Variants in UNC5D observed in about 807,000 individuals in gnomAD.
UNC5D encodes unc-5 netrin receptor D, also known as netrin receptor UNC5D.
In UNC5D, 39 loss-of-function variants were observed where a neutral mutation model predicts 105.4. The ratio of observed to expected loss-of-function variants is 0.37; its 90% CI spans 0.29 to 0.48. The LOEUF is 0.48. Ranked by LOEUF, UNC5D falls within the 20% of genes least tolerant of loss-of-function variation. The probability of loss-of-function intolerance (pLI) is 0.98; values close to 1 mark genes in which losing one functional copy is unlikely to be tolerated. For missense variants in UNC5D, 991 were observed against 1,202.4 expected (o/e 0.82, Z 2.60); for synonymous variants, 452 against 450.4 (o/e 1.00, Z -0.04).
At chr8:35,236,489 C>A (rs76188569) in intron 1 of UNC5D, among the ~76,000 whole-genome samples, 3,108 of 152,348 alleles carry the variant, frequency 0.02, 115 homozygotes, top group African/African-American at 0.072. Flanking sequence ...ACCGCGCCTG[C>A]AGTGCCCAGC....
intron 1 of UNC5D, among the ~76,000 whole-genome samples, chr8:35,348,356 C>A (rs1585639372): frequency 2.0e-5 from 3 of 151,972 alleles, no homozygotes; most frequent in African/African-American, 7.2e-5. Context: ...CTGGAATGTT[C>A]TTAGGCACAG....
At chr8:35,779,681 C>A (rs1477313786) in intron 16 of UNC5D, among the ~76,000 whole-genome samples, 1 of 152,132 alleles carries the variant, frequency 6.6e-6, no homozygotes, top group Non-Finnish European at 1.5e-5. Context: ...GTCTCAAACT[C>A]CTGGCCTCAA....
At chr8:35,361,869 G>A (rs1801871962) in intron 1 of UNC5D, among the ~76,000 whole-genome samples, 1 of 152,026 alleles carries the variant, frequency 6.6e-6, no homozygotes, top group Non-Finnish European at 1.5e-5. Flanking sequence ...AATGCATATT[G>A]ACCATATATC....
At chr8:35,406,404 C>T (rs1799082232) in intron 1 of UNC5D, among the ~76,000 whole-genome samples, 1 of 152,138 alleles carries the variant, frequency 6.6e-6, no homozygotes, top group Non-Finnish European at 1.5e-5. Flanking sequence ...CTATGACTCA[C>T]CGTGTTTCTC....
rs572690916 is a variant in UNC5D, at chr8:35,373,738, G to A, written c.103+137851G>A. 1.3e-4 allele frequency among the ~76,000 whole-genome samples: 20 copies of A among 152,334 alleles called. No homozygotes were observed. In the South Asian group the frequency reaches 4.1e-3, roughly 32 times the overall value. On this transcript the variant is annotated intron_variant, in intron 1 of 16. Transcript: ENST00000404895. ...AAGAGATTAGAGTCAACTATCTGCA[G>A]TTGTACACAATTTGAAAGTTTAAAC...
chr8:35,460,159 A>G (rs1808788614), intron 1 of UNC5D, among the ~76,000 whole-genome samples: 1 of 152,194 alleles, frequency 6.6e-6, no homozygotes, highest in Non-Finnish European at 1.5e-5. Flanking sequence ...ATTTACTCCC[A>G]GAAAAATTAA....
chr8:35,474,268 A>G lies in UNC5D; in HGVS notation c.104-75024A>G, dbSNP rs184202186. Among the ~76,000 whole-genome samples, 626 of 152,310 alleles carry G rather than the reference A, an allele frequency of 4.1e-3. 8 individuals are homozygous for G. Among genetic ancestry groups the G allele is most frequent in the African/African-American group, 0.014 (591 of 41,562 alleles). On this transcript the variant is annotated intron_variant, in intron 1 of 16. Transcript: ENST00000404895. ...TAGTTGTTTACCACAGTTCTTAACC[A>G]TGTCTATTTTCTGATCCTTCATATA...
intron 10 of UNC5D, among the ~76,000 whole-genome samples, chr8:35,728,433 T>C (rs1178155247): frequency 6.6e-6 from 1 of 152,156 alleles, no homozygotes; most frequent in Admixed American, 6.5e-5. Context: ...AGCACTAACG[T>C]TGAAAACTAA....
chr8:35,495,351 G>A (rs1352094927), intron 1 of UNC5D, among the ~76,000 whole-genome samples: 6 of 150,724 alleles, frequency 4.0e-5, no homozygotes, highest in African/African-American at 1.5e-4. Context: ...TTGATTTAGA[G>A]CAGGGTGTCC....
At chr8:35,512,489 T>TTC (rs1812790596) in intron 1 of UNC5D, among the ~76,000 whole-genome samples, 1 of 115,760 alleles carries the variant, frequency 8.6e-6, no homozygotes, top group Non-Finnish European at 1.8e-5. Context: ...TATATATATA[T>TTC]ATATATATAT....
intron 2 of UNC5D, among the ~76,000 whole-genome samples, chr8:35,563,946 C>T (rs1817144176): frequency 6.6e-6 from 1 of 152,020 alleles, no homozygotes; most frequent in South Asian, 2.1e-4. Context: ...GTGTCCTCAC[C>T]TCTCTGAGAT....
At chr8:35,440,034 TC>T (rs1230908165) in intron 1 of UNC5D, among the ~76,000 whole-genome samples, 1 of 151,960 alleles carries the variant, frequency 6.6e-6, no homozygotes, top group African/African-American at 2.4e-5. Context: ...TCAGTGCTTT[TC>T]CCCCCATAAC....
chr8:35,691,411 CAGG>C (rs1826379635), intron 7 of UNC5D, among the ~76,000 whole-genome samples: 1 of 152,120 alleles, frequency 6.6e-6, no homozygotes, highest in Non-Finnish European at 1.5e-5. Context: ...CACTTGAGCC[CAGG>C]AGATCGAGGC....
At chr8:35,266,190 G>C (rs1804859881) in intron 1 of UNC5D, among the ~76,000 whole-genome samples, 1 of 152,034 alleles carries the variant, frequency 6.6e-6, no homozygotes, top group African/African-American at 2.4e-5. Context: ...AAATGTTTGG[G>C]AGCTTATTCG....
At chr8:35,596,304 A>T (rs1819487855) in intron 4 of UNC5D, among the ~76,000 whole-genome samples, 1 of 152,178 alleles carries the variant, frequency 6.6e-6, no homozygotes, top group Non-Finnish European at 1.5e-5. Flanking sequence ...TGTCCCTGGT[A>T]ATGCACTCTG....
At chr8:35,304,630 GA>G (rs1280900805) in intron 1 of UNC5D, among the ~76,000 whole-genome samples, 6 of 151,604 alleles carry the variant, frequency 4.0e-5, no homozygotes, top group Non-Finnish European at 7.4e-5. Flanking sequence ...CTGCTAAACA[GA>G]AAAAAAAGAA....
intron 1 of UNC5D, among the ~76,000 whole-genome samples, chr8:35,418,480 C>A (rs190180773): frequency 4.6e-4 from 70 of 152,320 alleles, no homozygotes; most frequent in African/African-American, 1.7e-3. Flanking sequence ...TGCAACCCCT[C>A]TTTTCTGTGT....
rs79563864 is a variant in UNC5D, at chr8:35,770,977, G to A, written c.2479-3322G>A. ...TATTTAATTTAAACAATCAGAAAATGTGATGTATCTACAGGATTCTTATTA... is the reference window on the plus strand; with the variant it reads ...TATTTAATTTAAACAATCAGAAAATATGATGTATCTACAGGATTCTTATTA... On this transcript the variant is annotated intron_variant, in intron 15 of 16. Coordinates refer to ENST00000404895, the MANE Select transcript of UNC5D (RefSeq NM_080872.4). 5.1e-4 allele frequency among the ~76,000 whole-genome samples: 77 copies of A among 152,270 alleles called. 1 individual carries two copies. In the East Asian group the frequency reaches 0.014, roughly 27 times the overall value.
chr8:35,774,213 TA>T, intron 15 of UNC5D, 85 bp from the exon 16 acceptor site: 1 of 1,512,140 alleles, frequency 6.6e-7, no homozygotes, highest in South Asian at 1.2e-5. Flanking sequence ...GCATGTGTGT[TA>T]ACCCAGATTT....
Sources: allele counts gnomAD v4.1 joint callset (sites outside exome capture counted in the v4.1 genomes callset), GRCh38; gene constraint gnomAD v4.1.1; transcripts MANE v1.5; gene names NCBI Gene and HGNC (gene_info 2026-07-23, HGNC 2026-07-21).